The following PRKG1 variants were observed in gnomAD, a reference collection of about 807,000 sequenced individuals.
PRKG1 encodes protein kinase cGMP-dependent 1, also known as cGMP-dependent protein kinase 1.
Under a neutral mutation model 88.1 loss-of-function variants are expected in PRKG1, and 35 were observed. The observed-to-expected ratio is 0.40, with a 90% CI of 0.30 to 0.53. The LOEUF (loss-of-function observed/expected upper bound fraction) is 0.53, where lower values mean the gene tolerates loss of function less well. Among genes scored for constraint, PRKG1 ranks in the 20% least tolerant of loss-of-function variants. The pLI, the probability that PRKG1 is intolerant of heterozygous loss-of-function variation, is 0.59. For missense variants in PRKG1, 540 were observed against 839.8 expected (o/e 0.64, Z 4.41); for synonymous variants, 303 against 292.5 (o/e 1.04, Z -0.37).
chr10:52,057,751 A>C (rs182162599), intron 6 of PRKG1, among the ~76,000 whole-genome samples: 1 of 152,310 alleles, frequency 6.6e-6, no homozygotes, highest in African/African-American at 2.4e-5. Flanking sequence ...GTATTTAAAC[A>C]TGCCAATTAA....
At chr10:51,097,017 C>T (rs1844546648) in intron 1 of PRKG1, among the ~76,000 whole-genome samples, 1 of 152,150 alleles carries the variant, frequency 6.6e-6, no homozygotes, top group Non-Finnish European at 1.5e-5. Flanking sequence ...ACCCCAGGTT[C>T]CATAACTGTC....
chr10:52,183,306 T>C (rs1564506341), intron 9 of PRKG1, among the ~76,000 whole-genome samples: 1 of 152,172 alleles, frequency 6.6e-6, no homozygotes, highest in Non-Finnish European at 1.5e-5. Context: ...GACAGAGTCA[T>C]TTATGCAAGA....
intron 1 of PRKG1, among the ~76,000 whole-genome samples, chr10:51,091,125 A>T (rs1227176767): frequency 6.6e-6 from 1 of 152,222 alleles, no homozygotes; most frequent in African/African-American, 2.4e-5. Context: ...AGTCATAATG[A>T]TGAGCTGATA....
chr10:52,036,643 A>G (rs1278906101), intron 5 of PRKG1, among the ~76,000 whole-genome samples: 1 of 152,008 alleles, frequency 6.6e-6, no homozygotes, highest in Non-Finnish European at 1.5e-5. Context: ...GAGGACGCAA[A>G]GGAGGCTTTG....
intron 9 of PRKG1, among the ~76,000 whole-genome samples, chr10:52,248,788 G>T (rs751308493): frequency 6.6e-6 from 1 of 151,870 alleles, no homozygotes; most frequent in Non-Finnish European, 1.5e-5. Context: ...AAACAAAGTC[G>T]AGAGGTCTTT....
At chr10:51,233,617 C>A (rs747514651) in intron 2 of PRKG1, among the ~76,000 whole-genome samples, 9 of 152,128 alleles carry the variant, frequency 5.9e-5, no homozygotes, top group Admixed American at 2.0e-4. Flanking sequence ...AGCAATGCCA[C>A]TTTACCAACT....
chr10:51,096,942 A>G (rs922487426), intron 1 of PRKG1, among the ~76,000 whole-genome samples: 1 of 152,170 alleles, frequency 6.6e-6, no homozygotes, highest in Non-Finnish European at 1.5e-5. Context: ...AGTTTTCATA[A>G]CAAAGAATTA....
At chr10:51,369,948 T>C (rs955812113) in intron 2 of PRKG1, among the ~76,000 whole-genome samples, 21 of 152,192 alleles carry the variant, frequency 1.4e-4, no homozygotes, top group African/African-American at 4.1e-4. Context: ...TATGAGTTTA[T>C]TGTTTACTTT....
intron 5 of PRKG1, among the ~76,000 whole-genome samples, chr10:51,961,415 C>T (rs1016920866): frequency 6.6e-6 from 1 of 152,090 alleles, no homozygotes; most frequent in African/African-American, 2.4e-5. Flanking sequence ...TTAAGCAGAC[C>T]TGCACAATTC....
chr10:51,750,413 G>A (rs960935068), intron 3 of PRKG1, among the ~76,000 whole-genome samples: 2 of 152,102 alleles, frequency 1.3e-5, no homozygotes, highest in African/African-American at 4.8e-5. Flanking sequence ...TAACAATTTT[G>A]CCTTTACGGA....
intron 7 of PRKG1, among the ~76,000 whole-genome samples, chr10:52,123,102 T>C (rs2132615195): frequency 6.6e-6 from 1 of 152,336 alleles, no homozygotes; most frequent in Non-Finnish European, 1.5e-5. Flanking sequence ...ATGGCTACAT[T>C]CTTTGTCACT....
intron 1 of PRKG1, among the ~76,000 whole-genome samples, chr10:51,025,373 G>A (rs970350511): frequency 1.3e-5 from 2 of 152,120 alleles, no homozygotes; most frequent in African/African-American, 4.8e-5. Context: ...CAGGGGAAAG[G>A]GTCTGAATTT....
At chr10:52,155,732 GA>G (rs1554811013) in intron 8 of PRKG1, among the ~76,000 whole-genome samples, 2 of 147,788 alleles carry the variant, frequency 1.4e-5, no homozygotes, top group Non-Finnish European at 3.0e-5. Context: ...ATTGCCATTG[GA>G]CACACACACA....
At chr10:52,103,480 G>T (rs757862814) in intron 7 of PRKG1, among the ~76,000 whole-genome samples, 1 of 151,930 alleles carries the variant, frequency 6.6e-6, no homozygotes, top group Non-Finnish European at 1.5e-5. Flanking sequence ...TTCACTTAAG[G>T]AATTAGTAAC....
chr10:51,496,933 T>C (rs1840876439), intron 3 of PRKG1, among the ~76,000 whole-genome samples: 1 of 152,202 alleles, frequency 6.6e-6, no homozygotes, highest in Non-Finnish European at 1.5e-5. Context: ...AAATGTAACT[T>C]AATATTTCCT....
chr10:51,235,306 A>T (rs1838955379), intron 2 of PRKG1, among the ~76,000 whole-genome samples: 1 of 152,186 alleles, frequency 6.6e-6, no homozygotes, highest in Admixed American at 6.5e-5. Context: ...TCCTCTTTGG[A>T]CACAATGGCA....
At chr10:51,408,884 G>A (rs2132682743) in intron 2 of PRKG1, among the ~76,000 whole-genome samples, 1 of 152,294 alleles carries the variant, frequency 6.6e-6, no homozygotes, top group Admixed American at 6.5e-5. Context: ...ACTCACATGG[G>A]ATACAATGAT....
At chr10:51,103,111 A>T (rs946858438) in intron 1 of PRKG1, among the ~76,000 whole-genome samples, 1 of 143,632 alleles carries the variant, frequency 7.0e-6, no homozygotes, top group African/African-American at 2.5e-5. Context: ...AGAACATTGA[A>T]CAAATGGCTA....
intron 9 of PRKG1, among the ~76,000 whole-genome samples, chr10:52,250,392 A>G (rs1210012791): frequency 2.0e-5 from 3 of 152,216 alleles, no homozygotes; most frequent in Non-Finnish European, 4.4e-5. Flanking sequence ...GCTTACCTAG[A>G]AAGCTGTTTC....
Sources: allele counts gnomAD v4.1 joint callset (sites outside exome capture counted in the v4.1 genomes callset), GRCh38; gene constraint gnomAD v4.1.1; transcripts MANE v1.5; gene names NCBI Gene and HGNC (gene_info 2026-07-23, HGNC 2026-07-21).